CLTCL1: variants seen among roughly 807,000 people sequenced by gnomAD.
CLTCL1 encodes the protein clathrin heavy chain like 1.
In CLTCL1, 159 loss-of-function variants were observed where a neutral mutation model predicts 190.0. The observed-to-expected ratio is 0.84, with a 90% CI of 0.74 to 0.95. The LOEUF is 0.95. Ranked by LOEUF, CLTCL1 falls within the 40% of genes least tolerant of loss-of-function variation. The pLI, the probability that CLTCL1 is intolerant of heterozygous loss-of-function variation, is 0.00. For missense variants in CLTCL1, 1,878 were observed against 2,033.4 expected (o/e 0.92, Z 1.47); for synonymous variants, 752 against 769.6 (o/e 0.98, Z 0.38).
intron 29 of CLTCL1, chr22:19,184,509 G>C (rs1002775487): frequency 2.2e-6 from 1 of 456,042 alleles, no homozygotes; most frequent in South Asian, 1.5e-5. Flanking sequence ...GCTGCTCATC[G>C]ATCGCTGCCT....
chr22:19,201,626 G>A (rs980913849), intron 22 of CLTCL1, 133 bp from the exon 23 acceptor site: 11 of 976,648 alleles, frequency 1.1e-5, no homozygotes, highest in African/African-American at 1.6e-5. Context: ...GATCGCACCA[G>A]TGACCAGATG....
rs5993564 is a variant in CLTCL1 at position 19,245,425 on chromosome 22, C to G, written c.520-2489G>C. ...GCCTGGCTGATCTCAAACTCCTGAT[C>G]TCATGATCTGTCCACCTTGGCTTCC... On this transcript the variant is annotated intron_variant, in intron 3 of 32. Coordinates refer to ENST00000427926, the MANE Select transcript of CLTCL1 (RefSeq NM_007098.4). Among the ~76,000 whole-genome samples, 551 of 152,180 alleles carry G rather than the reference C, an allele frequency of 3.6e-3. 5 individuals are homozygous for G. Among genetic ancestry groups the G allele is most frequent in the African/African-American group, 0.012 (516 of 41,510 alleles).
At chr22:19,272,003 A>G (rs2518863) in intron 2 of CLTCL1, among the ~76,000 whole-genome samples, 10,844 of 152,208 alleles carry the variant, frequency 0.071, 471 homozygotes, top group Middle Eastern at 0.17. Context: ...TAGCTACTTC[A>G]GAGGCTGACG....
intron 4 of CLTCL1, among the ~76,000 whole-genome samples, chr22:19,241,994 G>GT (rs34450514): frequency 0.061 from 9,161 of 150,126 alleles, 339 homozygotes; most frequent in Middle Eastern, 0.16. Context: ...CCAGGCTGGA[G>GT]TGCAGTGGCG....
chr22:19,202,394 C>T (rs2084915242), intron 22 of CLTCL1, among the ~76,000 whole-genome samples: 1 of 151,080 alleles, frequency 6.6e-6, no homozygotes, highest in Non-Finnish European at 1.5e-5. Flanking sequence ...CCCGCACCAA[C>T]CCTCCTTCCG....
chr22:19,288,661 G>GC (rs558358855), intron 1 of CLTCL1, among the ~76,000 whole-genome samples: 74 of 152,348 alleles, frequency 4.9e-4, no homozygotes, highest in African/African-American at 1.8e-3. Context: ...ACCAGGACCT[G>GC]CTACTGCCTC....
chr22:19,210,249 A>T, intron 20 of CLTCL1, 77 bp downstream of exon 20: 1 of 1,402,964 alleles, frequency 7.1e-7, no homozygotes, highest in Non-Finnish European at 9.9e-7. Context: ...ACCCTTGGAG[A>T]GGACAAGGGC....
At chr22:19,233,082 G>T (rs1388442646) in intron 9 of CLTCL1, 84 bp downstream of exon 9, 1 of 1,417,770 alleles carries the variant, frequency 7.1e-7, no homozygotes, top group African/African-American at 1.4e-5. Flanking sequence ...TTACAAAGAA[G>T]GGTATTTTAT....
chr22:19,222,887 G>A, intron 14 of CLTCL1, 78 bp from the exon 15 acceptor site: 1 of 1,514,362 alleles, frequency 6.6e-7, no homozygotes, highest in Non-Finnish European at 8.9e-7. Flanking sequence ...TGCACACATG[G>A]GACGGCTCTG....
intron 2 of CLTCL1, among the ~76,000 whole-genome samples, chr22:19,272,595 C>T (rs188808697): frequency 1.4e-4 from 22 of 152,200 alleles, no homozygotes; most frequent in Non-Finnish European, 3.1e-4. Flanking sequence ...CTCAGCCTCC[C>T]GAGTAACTGA....
chr22:19,222,109 T>A lies in CLTCL1; in HGVS notation c.2419-16A>T. 6.2e-7 allele frequency: 1 copy of A among 1,612,462 alleles called. No individual in the cohort carries two copies. Among genetic ancestry groups the A allele is most frequent in the Non-Finnish European group, 8.5e-7 (1 of 1,179,234 alleles). Reference sequence around the variant, plus strand: ...TAGGGTTGACCTAGGGTAGTCAAGGTCAAGTAACTTCAGTGTTGCAAACAC... The same window carrying A: ...TAGGGTTGACCTAGGGTAGTCAAGGACAAGTAACTTCAGTGTTGCAAACAC... On this transcript the variant is annotated splice_polypyrimidine_tract_variant and intron_variant, in intron 15 of 32. Coordinates refer to ENST00000427926, the MANE Select transcript of CLTCL1 (RefSeq NM_007098.4).
chr22:19,248,003 T>A (rs1346494159), intron 3 of CLTCL1, among the ~76,000 whole-genome samples: 1 of 152,012 alleles, frequency 6.6e-6, no homozygotes, highest in African/African-American at 2.4e-5. Flanking sequence ...TCTTAAAGCA[T>A]TATGAACTTT....
At position 19,281,580 on chromosome 22, in the gene CLTCL1, C is replaced by T. The variant is rs113074983; in HGVS notation, c.43-5750G>A. ...GACGTAAGTAAATCAAAGCTGGCCACGTATTGGTAAGCAATCATTCTTGGT... is the reference window on the plus strand; with the variant it reads ...GACGTAAGTAAATCAAAGCTGGCCATGTATTGGTAAGCAATCATTCTTGGT... On this transcript the variant is annotated intron_variant, in intron 1 of 32. Coordinates refer to ENST00000427926, the MANE Select transcript of CLTCL1 (RefSeq NM_007098.4). Among the ~76,000 whole-genome samples the T allele has an allele frequency of 6.0e-3, 920 of 152,258 alleles. 8 individuals are homozygous for T. Among genetic ancestry groups the T allele is most frequent in the Non-Finnish European group, 8.9e-3 (608 of 68,020 alleles).
rs1555926853 is a variant in CLTCL1 at position 19,183,534 on chromosome 22, G to C, written c.4683C>G (p.Gly1561=). The C allele has an allele frequency of 1.2e-6, 2 of 1,613,698 alleles. No individual in the cohort carries two copies. The highest frequency in any genetic ancestry group is 1.7e-6 in the Non-Finnish European group (2 of 1,179,888). Reference sequence around the variant, plus strand: ...GACAAGCTGCGAAGCACTCCCTCTTGCCTTCCTCCAGGAACCACTGCAGCA... The same window carrying C: ...GACAAGCTGCGAAGCACTCCCTCTTCCCTTCCTCCAGGAACCACTGCAGCA... The part of the protein sequence containing the change: ...QKLLQWFLEE[G]KRECFAACLF... Residue 1561 remains glycine (G), a synonymous_variant, in exon 30 of 33, where the codon GGC becomes GGG. Coordinates refer to ENST00000427926, the MANE Select transcript of CLTCL1 (RefSeq NM_007098.4).
intron 13 of CLTCL1, among the ~76,000 whole-genome samples, chr22:19,224,571 G>A (rs1264178766): frequency 1.3e-5 from 2 of 152,150 alleles, no homozygotes; most frequent in Admixed American, 6.5e-5. Flanking sequence ...CAGCCAGGAG[G>A]CACCAGTAAC....
chr22:19,215,678 C>T (rs978506267), intron 19 of CLTCL1, among the ~76,000 whole-genome samples: 2 of 152,236 alleles, frequency 1.3e-5, no homozygotes, highest in Non-Finnish European at 2.9e-5. Context: ...TCCTGCTCAT[C>T]TGGCTTCTAC....
At chr22:19,199,862 G>GT in intron 23 of CLTCL1, 21 bp from the exon 24 acceptor site, 2 of 1,549,332 alleles carry the variant, frequency 1.3e-6, no homozygotes, top group Non-Finnish European at 1.8e-6. Context: ...GAGGGCAAGC[G>GT]TGAGGGTCCC....
intron 18 of CLTCL1, 134 bp from the exon 19 acceptor site, chr22:19,216,390 T>A: frequency 1.3e-6 from 1 of 762,730 alleles, no homozygotes; most frequent in South Asian, 1.9e-5. Flanking sequence ...CTTCTTAATG[T>A]AACAAAGGAA....
At chr22:19,231,464 C>T (rs1462645608) in intron 10 of CLTCL1, among the ~76,000 whole-genome samples, 10 of 152,166 alleles carry the variant, frequency 6.6e-5, no homozygotes, top group South Asian at 2.1e-4. Flanking sequence ...GCTATAGCTA[C>T]GCTATTGATT....
Sources: allele counts gnomAD v4.1 joint callset (sites outside exome capture counted in the v4.1 genomes callset), GRCh38; gene constraint gnomAD v4.1.1; transcripts MANE v1.5; gene names NCBI Gene and HGNC (gene_info 2026-07-23, HGNC 2026-07-21).